The following NRDC variants were observed in gnomAD, a reference collection of about 807,000 sequenced individuals.
The protein encoded by NRDC is nardilysin.
Under a neutral mutation model 147.1 loss-of-function variants are expected in NRDC, and 54 were observed. The ratio of observed to expected loss-of-function variants is 0.37; its 90% confidence interval spans 0.29 to 0.46. The LOEUF (loss-of-function observed/expected upper bound fraction) is 0.46. NRDC is among the 20% of genes least tolerant of loss of function. NRDC has a pLI of 1.00. For missense variants in NRDC, 1,082 were observed against 1,370.6 expected, an observed-to-expected ratio of 0.79 and a Z score of 3.33; for synonymous variants, 440 against 482.1, an observed-to-expected ratio of 0.91 and a Z score of 1.14.
intron 22 of NRDC, among the ~76,000 whole-genome samples, chr1:51,795,865 TTTCTTAAGCAC>T (rs1678876054): frequency 6.6e-6 from 1 of 152,164 alleles, no homozygotes; most frequent in Non-Finnish European, 1.5e-5. Flanking sequence ...TCATCTTCTA[TTTCTTAAGCAC>T]TTCTTTAAAC....
At position 51,789,427 on chromosome 1, in the gene NRDC, C is replaced by T; in HGVS notation, c.3265G>A (p.Gly1089Arg). 1 of 1,613,980 alleles carries T rather than the reference C, an allele frequency of 6.2e-7. No homozygotes were observed. The highest frequency in any genetic ancestry group is 1.7e-5 in the Admixed American group (1 of 60,008). Residue 1089 changes from glycine to arginine, a missense_variant, in exon 31 of 31, where the codon GGA becomes AGA. Gly to Arg is a moderately radical substitution (Grantham distance 125). Transcript: ENST00000352171. ...GSKMLSVHVV[G>R]YGKYELEEDG... Reference sequence around the variant, plus strand: ...TCTTCCAGTTCATACTTCCCATATCCAACAACCTGAAAGAGGACAAAGACA... The same window carrying T: ...TCTTCCAGTTCATACTTCCCATATCTAACAACCTGAAAGAGGACAAAGACA...
chr1:51,844,604 A>G (rs538865297), intron 1 of NRDC, among the ~76,000 whole-genome samples: 1 of 151,564 alleles, frequency 6.6e-6, no homozygotes, highest in South Asian at 2.1e-4. Context: ...TTAGCCAGGC[A>G]TGGCGGCGCG....
chr1:51,803,757 T>A, intron 20 of NRDC, 57 bp downstream of exon 20: 1 of 1,418,472 alleles, frequency 7.0e-7, no homozygotes, highest in African/African-American at 1.4e-5. Flanking sequence ...CACAAACCTC[T>A]AAATAAATAT....
chr1:51,801,466 C>G (rs1679192944), intron 20 of NRDC, among the ~76,000 whole-genome samples: 2 of 151,984 alleles, frequency 1.3e-5, no homozygotes, highest in African/African-American at 4.8e-5. Context: ...GCTTCCATTT[C>G]TAAGTGATTA....
intron 19 of NRDC, 146 bp downstream of exon 19, chr1:51,805,364 C>T: frequency 1.8e-6 from 1 of 571,072 alleles, no homozygotes; most frequent in South Asian, 2.5e-5. Context: ...ATACAAATAA[C>T]TTGTTTGGAG....
intron 14 of NRDC, among the ~76,000 whole-genome samples, chr1:51,812,417 C>A (rs745947992): frequency 2.0e-5 from 3 of 152,014 alleles, no homozygotes; most frequent in Non-Finnish European, 2.9e-5. Context: ...AGTGTCAGCT[C>A]CTTGGGGAGC....
intron 1 of NRDC, among the ~76,000 whole-genome samples, chr1:51,842,213 T>C (rs1259928630): frequency 6.7e-6 from 1 of 149,738 alleles, no homozygotes; most frequent in East Asian, 1.9e-4. Context: ...CACATTTAAG[T>C]GATAGAAAAA....
chr1:51,795,274 T>C, intron 22 of NRDC: 1 of 1,155,310 alleles, frequency 8.7e-7, no homozygotes, highest in Non-Finnish European at 1.1e-6. Flanking sequence ...TCTTAAGAAT[T>C]CTGTTTTCTT....
At chr1:51,834,377 C>T (rs939406083) in intron 3 of NRDC, among the ~76,000 whole-genome samples, 1 of 151,412 alleles carries the variant, frequency 6.6e-6, no homozygotes, top group African/African-American at 2.4e-5. Flanking sequence ...TGGCTCACTG[C>T]AAACTCTGCC....
rs143096238 is a variant in NRDC at position 51,799,739 on chromosome 1, C to A, written c.2441+817G>T. Among the ~76,000 whole-genome samples the A allele has an allele frequency of 3.3e-5, 5 of 152,256 alleles. No individual in the cohort carries two copies. The East Asian group carries it at 9.7e-4, about 29-fold the overall frequency. On this transcript the variant is annotated intron_variant, in intron 21 of 30. Coordinates refer to ENST00000352171, the MANE Select transcript of NRDC (RefSeq NM_001101662.2). ...AAAGTATCCTACAGGCTACAATTAG[C>A]CCTGGACTAAAGTAGTAAGAACAGG...
intron 22 of NRDC, 38 bp downstream of exon 22, chr1:51,798,211 T>A (rs747769605): frequency 6.2e-7 from 1 of 1,603,642 alleles, no homozygotes; most frequent in South Asian, 1.1e-5. Flanking sequence ...AGTTCACAAC[T>A]GCATTCAGAC....
chr1:51,791,107 A>C, intron 27 of NRDC, 117 bp from the exon 28 acceptor site: 1 of 697,228 alleles, frequency 1.4e-6, no homozygotes, highest in Admixed American at 2.8e-5. Context: ...TATATCCAGG[A>C]AAAAAAGCTA....
chr1:51,796,576 A>G (rs1678924810), intron 22 of NRDC, among the ~76,000 whole-genome samples: 1 of 129,610 alleles, frequency 7.7e-6, no homozygotes, highest in Non-Finnish European at 1.7e-5. Context: ...AATAATATAA[A>G]GTTTATAATC....
intron 1 of NRDC, among the ~76,000 whole-genome samples, chr1:51,875,695 C>G (rs192694531): frequency 1.1e-3 from 170 of 152,220 alleles, no homozygotes; most frequent in African/African-American, 4.0e-3. Flanking sequence ...GTAGCTGGGA[C>G]TACAGGCACA....
intron 17 of NRDC, 99 bp downstream of exon 17, chr1:51,809,216 A>G: frequency 1.2e-6 from 1 of 821,720 alleles, no homozygotes; most frequent in Non-Finnish European, 2.0e-6. Context: ...TGGGAATCTC[A>G]AATATAAATT....
At chr1:51,840,540 C>A (rs774999348) in intron 1 of NRDC, 26 bp from the exon 2 acceptor site, 2 of 1,483,424 alleles carry the variant, frequency 1.3e-6, no homozygotes, top group Admixed American at 2.1e-5. Flanking sequence ...AAAAATCACA[C>A]ATTTTGATTC....
chr1:51,830,198 C>T (rs542870035), intron 4 of NRDC, among the ~76,000 whole-genome samples: 9 of 151,968 alleles, frequency 5.9e-5, no homozygotes, highest in Non-Finnish European at 8.8e-5. Flanking sequence ...CTCCTGACCT[C>T]GTGATCCACC....
At chr1:51,849,545 G>A (rs900208620) in intron 1 of NRDC, among the ~76,000 whole-genome samples, 2 of 152,140 alleles carry the variant, frequency 1.3e-5, no homozygotes, top group African/African-American at 2.4e-5. Context: ...GGCCGGGCAC[G>A]GTGGCTCACG....
intron 20 of NRDC, among the ~76,000 whole-genome samples, chr1:51,802,916 T>C (rs528265182): frequency 6.6e-6 from 1 of 152,330 alleles, no homozygotes; most frequent in East Asian, 1.9e-4. Context: ...TATATTGCTT[T>C]ACCTGGTATT....
Sources: allele counts gnomAD v4.1 joint callset (sites outside exome capture counted in the v4.1 genomes callset), GRCh38; gene constraint gnomAD v4.1.1; transcripts MANE v1.5; gene names NCBI Gene and HGNC (gene_info 2026-07-23, HGNC 2026-07-21).